SEMA3A: variants seen among roughly 807,000 people sequenced by gnomAD.
SEMA3A encodes the protein semaphorin 3A.
SEMA3A carries 29 observed loss-of-function variants against 97.9 expected under a neutral mutation model. That is an observed-to-expected ratio of 0.30 (90% confidence interval 0.22 to 0.40). The LOEUF (loss-of-function observed/expected upper bound fraction) is 0.40, where lower values mean the gene tolerates loss of function less well. Ranked by LOEUF, SEMA3A falls within the 10% of genes least tolerant of loss-of-function variation. The probability of loss-of-function intolerance (pLI) is 1.00; values close to 1 mark genes in which losing one functional copy is unlikely to be tolerated. For synonymous variants in SEMA3A, 321 were observed against 323.7 expected, an observed-to-expected ratio of 0.99 and a Z score of 0.09; for missense variants, 763 against 951.3, an observed-to-expected ratio of 0.80 and a Z score of 2.60.
rs749889921 is a variant in SEMA3A, at chr7:83,980,603, CAAAAA to C, written c.1652+713_1652+717del. Among the ~76,000 whole-genome samples the C allele has an allele frequency of 5.9e-4, 32 of 53,966 alleles. 1 individual carries two copies. In the South Asian group the frequency reaches 0.017, roughly 29 times the overall value. 35.4% of individuals were successfully genotyped at this position (53,966 alleles called of 152,430 possible). On this transcript the variant is annotated intron_variant, in intron 14 of 16. Transcript: ENST00000265362. ...CTGGTGACAGAGTGAGACTCCATCT[CAAAAA>C]AAAAAAAAAAAAAAAATATATATAT...
At chr7:84,064,531 C>G (rs1199279094) in intron 4 of SEMA3A, among the ~76,000 whole-genome samples, 1 of 151,802 alleles carries the variant, frequency 6.6e-6, no homozygotes, top group Non-Finnish European at 1.5e-5. Flanking sequence ...ACCCATCTCA[C>G]GTGCAGAGAC....
chr7:84,411,412 C>T (rs1804261815), intron 1 of SEMA3A, among the ~76,000 whole-genome samples: 1 of 151,986 alleles, frequency 6.6e-6, no homozygotes, highest in Non-Finnish European at 1.5e-5. Context: ...GTTTCCTTTG[C>T]TTACCATGAA....
chr7:84,398,596 A>AT (rs894730358), intron 1 of SEMA3A, among the ~76,000 whole-genome samples: 7 of 151,110 alleles, frequency 4.6e-5, no homozygotes, highest in South Asian at 2.1e-4. Flanking sequence ...TGTCTCTACA[A>AT]TTTTTTTTCT....
chr7:84,232,142 A>C (rs1301863080), intron 3 of SEMA3A, among the ~76,000 whole-genome samples: 1 of 151,326 alleles, frequency 6.6e-6, no homozygotes, highest in Non-Finnish European at 1.5e-5. Context: ...GTACAGCCTT[A>C]TTAATATCTG....
At chr7:84,321,872 GAAAAAA>G (rs1156548285) in intron 2 of SEMA3A, among the ~76,000 whole-genome samples, 4 of 12,062 alleles carry the variant, frequency 3.3e-4, no homozygotes, top group African/African-American at 7.6e-4. Context: ...CGAGACTACG[GAAAAAA>G]AAAAAAAAAA....
intron 1 of SEMA3A, among the ~76,000 whole-genome samples, chr7:84,421,840 A>C (rs181814083): frequency 6.6e-6 from 1 of 152,120 alleles, no homozygotes; most frequent in African/African-American, 2.4e-5. Context: ...CATATGTTGA[A>C]CCAGCCTTGC....
At chr7:84,424,829 A>C (rs1490153503) in intron 1 of SEMA3A, among the ~76,000 whole-genome samples, 1 of 100,634 alleles carries the variant, frequency 9.9e-6, no homozygotes, top group East Asian at 3.3e-4. Flanking sequence ...ATATAATGAT[A>C]TCTAAATATA....
chr7:84,458,219 C>G (rs1011675024), intron 1 of SEMA3A, among the ~76,000 whole-genome samples: 2 of 152,062 alleles, frequency 1.3e-5, no homozygotes, highest in East Asian at 3.9e-4. Flanking sequence ...CAATGCTTCA[C>G]GTTTATATCA....
At chr7:84,133,771 C>T (rs1260004719) in intron 2 of SEMA3A, among the ~76,000 whole-genome samples, 1 of 151,408 alleles carries the variant, frequency 6.6e-6, no homozygotes, top group Non-Finnish European at 1.5e-5. Context: ...TTATAAAAGG[C>T]CGGGCGCGGT....
At chr7:84,358,933 TTGTC>T (rs1206556449) in intron 2 of SEMA3A, among the ~76,000 whole-genome samples, 3 of 151,970 alleles carry the variant, frequency 2.0e-5, no homozygotes, top group African/African-American at 7.2e-5. Flanking sequence ...ATTTGGCTGT[TTGTC>T]TGTTATTGGT....
In SEMA3A at chr7:84,007,488, GA is replaced by G; in HGVS notation, c.1004del (p.Phe335SerfsTer11). On this transcript the variant is annotated frameshift_variant, in exon 10 of 17. Transcript: ENST00000265362. LOFTEE classifies it high-confidence loss of function. ...TATACATACACACGGCTGATCCCTT[GA>G]AAATGTTACTGAACAAGACAGCAAG... ...YGVFTTSSNI[F>X]KGSAVCMYSM... The G allele has an allele frequency of 1.3e-6, 2 of 1,559,936 alleles. No individual in the cohort carries two copies. The highest frequency in any genetic ancestry group is 1.2e-5 in the South Asian group (1 of 82,208).
chr7:84,277,832 T>C (rs1800346118), intron 3 of SEMA3A, among the ~76,000 whole-genome samples: 1 of 152,128 alleles, frequency 6.6e-6, no homozygotes, highest in Non-Finnish European at 1.5e-5. Context: ...CTGAAATGCC[T>C]TGGAGGCCTT....
chr7:84,300,225 A>C (rs1800976391), intron 3 of SEMA3A, among the ~76,000 whole-genome samples: 2 of 151,986 alleles, frequency 1.3e-5, no homozygotes, highest in African/African-American at 4.8e-5. Flanking sequence ...TAGGACTAAC[A>C]GACTAGAAGG....
chr7:84,445,728 G>C (rs1180564178), intron 1 of SEMA3A, among the ~76,000 whole-genome samples: 1 of 151,472 alleles, frequency 6.6e-6, no homozygotes, highest in Non-Finnish European at 1.5e-5. Flanking sequence ...TAGTGCTAAA[G>C]AGGAAATTTA....
At chr7:84,094,964 T>G (rs1794711748) in intron 4 of SEMA3A, among the ~76,000 whole-genome samples, 1 of 151,676 alleles carries the variant, frequency 6.6e-6, no homozygotes, top group Admixed American at 6.6e-5. Context: ...ACATTAATTA[T>G]ATTGTTTATA....
chr7:84,323,200 T>C (rs1326997903), intron 2 of SEMA3A, among the ~76,000 whole-genome samples: 3 of 152,206 alleles, frequency 2.0e-5, no homozygotes, highest in African/African-American at 7.2e-5. Context: ...ATCAATAGAT[T>C]GACTTTAATT....
At chr7:84,255,322 A>G (rs1799694724) in intron 3 of SEMA3A, among the ~76,000 whole-genome samples, 1 of 152,092 alleles carries the variant, frequency 6.6e-6, no homozygotes, top group African/African-American at 2.4e-5. Context: ...TCCATTTTAT[A>G]TCTCTCTAAA....
intron 9 of SEMA3A, among the ~76,000 whole-genome samples, chr7:84,008,670 C>A (rs1790765505): frequency 6.6e-6 from 1 of 151,952 alleles, no homozygotes; most frequent in Non-Finnish European, 1.5e-5. Flanking sequence ...ACCAAATGAA[C>A]AACATGTGCT....
chr7:84,268,129 G>T (rs1406041041), intron 3 of SEMA3A, among the ~76,000 whole-genome samples: 1 of 151,998 alleles, frequency 6.6e-6, no homozygotes, highest in African/African-American at 2.4e-5. Flanking sequence ...CTTCTGGTGG[G>T]GGCTGCATGT....
Sources: gnomAD v4.1 joint callset for allele counts (sites outside exome capture counted in the v4.1 genomes callset) on GRCh38, gnomAD v4.1.1 for gene constraint, MANE v1.5 for transcripts, NCBI Gene and HGNC (gene_info 2026-07-23, HGNC 2026-07-21) for gene names.